KIAA1328: variants seen among roughly 807,000 people sequenced by gnomAD.
The protein encoded by KIAA1328 is KIAA1328.
In KIAA1328, 52 loss-of-function variants were observed where a neutral mutation model predicts 68.1. That is an observed-to-expected ratio of 0.76 (90% CI 0.61 to 0.96). The LOEUF is 0.96. Ranked by LOEUF, KIAA1328 falls within the 40% of genes least tolerant of loss-of-function variation. KIAA1328 has a pLI of 0.00. For missense variants in KIAA1328, 641 were observed against 677.6 expected (o/e 0.95, Z 0.60); for synonymous variants, 232 against 239.4 (o/e 0.97, Z 0.28).
intron 6 of KIAA1328, among the ~76,000 whole-genome samples, chr18:37,010,196 G>A (rs1227009594): frequency 2.0e-5 from 3 of 152,050 alleles, no homozygotes; most frequent in Non-Finnish European, 4.4e-5. Flanking sequence ...TGTAATCCCA[G>A]CACTTTGGGA....
intron 6 of KIAA1328, among the ~76,000 whole-genome samples, chr18:36,987,355 G>A (rs1401608644): frequency 1.2e-4 from 18 of 147,034 alleles, no homozygotes; most frequent in African/African-American, 4.2e-4. Context: ...GGATGGGGGA[G>A]GGGTAGCATT....
intron 6 of KIAA1328, among the ~76,000 whole-genome samples, chr18:37,029,741 A>G (rs993013354): frequency 7.9e-5 from 12 of 152,140 alleles, no homozygotes; most frequent in African/African-American, 2.9e-4. Flanking sequence ...TGGCTTTGGT[A>G]AATCTGCTGG....
At chr18:36,885,427 A>G (rs1601139650) in intron 4 of KIAA1328, 130 bp from the exon 5 acceptor site, 1 of 507,856 alleles carries the variant, frequency 2.0e-6, no homozygotes, top group East Asian at 3.4e-5. Context: ...AGCAACAACA[A>G]AACAGAACAG....
intron 6 of KIAA1328, among the ~76,000 whole-genome samples, chr18:37,051,345 C>A (rs1395696958): frequency 6.6e-6 from 1 of 151,972 alleles, no homozygotes; most frequent in Admixed American, 6.6e-5. Flanking sequence ...TTCAAATAAG[C>A]ACACTCAGAA....
intron 4 of KIAA1328, among the ~76,000 whole-genome samples, chr18:36,846,000 C>T (rs750335103): frequency 1.1e-4 from 17 of 151,614 alleles, no homozygotes; most frequent in Admixed American, 2.6e-4. Context: ...CCCATTATTA[C>T]TGTATTTACT....
At chr18:36,844,940 CTAAAAGTTGA>C (rs895625653) in intron 4 of KIAA1328, among the ~76,000 whole-genome samples, 3 of 151,714 alleles carry the variant, frequency 2.0e-5, no homozygotes, top group South Asian at 2.1e-4. Context: ...GAGACCATAC[CTAAAAGTTGA>C]TAAAAGTTGA....
Position 37,225,292 on chromosome 18 carries a change from G to A in KIAA1328, c.*3065G>A. 2 of 985,434 alleles carry A rather than the reference G, an allele frequency of 2.0e-6. No homozygotes were observed. Among genetic ancestry groups the A allele is most frequent in the African/African-American group, 3.5e-5 (2 of 57,366 alleles). The allele number at this position is 985,434 out of a possible 1,614,324, so 61.0% of individuals were successfully genotyped here. A position where few individuals can be genotyped will look rare whatever the true frequency, so the allele number is the denominator to read the frequency against. On this transcript the variant is annotated 3_prime_UTR_variant, in exon 10 of 10. Coordinates refer to ENST00000280020, the MANE Select transcript of KIAA1328 (RefSeq NM_020776.3). ...TATGAGCAAATGTTTATGTACGTAT[G>A]AGATTTCAAGTTAATAAATCATCTC...
At chr18:37,201,420 A>C (rs771064328) in intron 9 of KIAA1328, among the ~76,000 whole-genome samples, 3 of 152,214 alleles carry the variant, frequency 2.0e-5, no homozygotes, top group Non-Finnish European at 4.4e-5. Context: ...GAAAAATAAT[A>C]AAAGCAGGGC....
intron 6 of KIAA1328, among the ~76,000 whole-genome samples, chr18:37,048,363 CTA>C (rs2055559468): frequency 1.3e-5 from 2 of 152,102 alleles, no homozygotes; most frequent in Non-Finnish European, 2.9e-5. Flanking sequence ...TCCAAATGTG[CTA>C]TCCTTCTTTA....
At chr18:36,940,642 A>G (rs2050672460) in intron 5 of KIAA1328, among the ~76,000 whole-genome samples, 1 of 149,524 alleles carries the variant, frequency 6.7e-6, no homozygotes. Context: ...AATAAGCTGC[A>G]TTCATCATTG....
Position 37,222,461 on chromosome 18 carries a change from T to A in KIAA1328, c.*234T>A. The A allele has an allele frequency of 1.5e-6, 2 of 1,353,700 alleles. No homozygotes were observed. The highest frequency in any genetic ancestry group is 1.9e-6 in the Non-Finnish European group (2 of 1,052,612). 83.9% of individuals were successfully genotyped at this position (1,353,700 alleles called of 1,614,324 possible). ...GGAATGGAAGATGGTATCTTTTATA[T>A]GCTAAACAGATTAGAAAATTAACAT... On this transcript the variant is annotated 3_prime_UTR_variant, in exon 10 of 10. Coordinates refer to ENST00000280020, the MANE Select transcript of KIAA1328 (RefSeq NM_020776.3).
chr18:36,918,424 T>C (rs1259594586), intron 5 of KIAA1328, among the ~76,000 whole-genome samples: 82 of 150,576 alleles, frequency 5.4e-4, no homozygotes, highest in African/African-American at 2.0e-3. Context: ...TTTTTTTTTT[T>C]TTTTTTGAGA....
intron 5 of KIAA1328, among the ~76,000 whole-genome samples, chr18:36,957,618 A>G (rs1002030668): frequency 1.3e-5 from 2 of 152,098 alleles, no homozygotes; most frequent in African/African-American, 4.8e-5. Flanking sequence ...GTGTTCAGAA[A>G]ATTTCCTGGT....
chr18:36,978,570 C>T (rs1568244314), intron 6 of KIAA1328, among the ~76,000 whole-genome samples: 1 of 152,188 alleles, frequency 6.6e-6, no homozygotes, highest in African/African-American at 2.4e-5. Context: ...ACTTTTAACA[C>T]ATTTTTAACT....
intron 9 of KIAA1328, among the ~76,000 whole-genome samples, chr18:37,181,561 G>T (rs1363786899): frequency 6.6e-6 from 1 of 152,156 alleles, no homozygotes; most frequent in Non-Finnish European, 1.5e-5. Flanking sequence ...GGTTTATAGT[G>T]TGTAAGTTAG....
intron 9 of KIAA1328, among the ~76,000 whole-genome samples, chr18:37,217,859 G>T (rs546147392): frequency 1.1e-4 from 16 of 152,290 alleles, no homozygotes; most frequent in Admixed American, 2.6e-4. Flanking sequence ...TGGAGGCTTT[G>T]TTCGTTTCTT....
chr18:36,939,923 TTA>T (rs1276686904), intron 5 of KIAA1328, among the ~76,000 whole-genome samples: 1 of 152,182 alleles, frequency 6.6e-6, no homozygotes, highest in Non-Finnish European at 1.5e-5. Context: ...ATATATTCTT[TTA>T]TATATGTCTT....
At chr18:36,925,174 G>A (rs1034865496) in intron 5 of KIAA1328, 1 of 152,270 alleles carries the variant, frequency 6.6e-6, no homozygotes, top group Non-Finnish European at 1.5e-5. Context: ...ACAGAATTGT[G>A]ATTAGTTTTT....
In KIAA1328 at chr18:37,067,468, G is replaced by A; in HGVS notation, c.1155G>A (p.Gln385=). The stretch of plus-strand genomic sequence containing the variant: ...TGGAAATTGAAAAGGAGCGCCTTCA[G>A]CATCTGCTGGCCCAGCAGGAGACAA... ...MELEIEKERL[Q]HLLAQQETKL... Residue 385 remains glutamine, a synonymous_variant, in exon 7 of 10, where the codon CAG becomes CAA. Coordinates refer to ENST00000280020, the MANE Select transcript of KIAA1328 (RefSeq NM_020776.3). The A allele has an allele frequency of 2.6e-6, 4 of 1,559,698 alleles. No individual in the cohort carries two copies. The highest frequency in any genetic ancestry group is 3.5e-6 in the Non-Finnish European group (4 of 1,153,250).
Sources: allele counts gnomAD v4.1 joint callset (sites outside exome capture counted in the v4.1 genomes callset), GRCh38; gene constraint gnomAD v4.1.1; transcripts MANE v1.5; gene names NCBI Gene and HGNC (gene_info 2026-07-23, HGNC 2026-07-21).